The following KIAA1549 variants were observed in gnomAD, a reference collection of about 807,000 sequenced individuals.
The protein encoded by KIAA1549 is KIAA1549, also known as UPF0606 protein KIAA1549.
KIAA1549 carries 70 observed loss-of-function variants against 156.4 expected under a neutral mutation model. That is an observed-to-expected ratio of 0.45 (90% CI 0.37 to 0.55). KIAA1549 has a LOEUF of 0.55. Ranked by LOEUF, KIAA1549 falls within the 20% of genes least tolerant of loss-of-function variation. The pLI is 0.00. For synonymous variants in KIAA1549, 1,103 were observed against 1,066.4 expected, an observed-to-expected ratio of 1.03 and a Z score of -0.67; for missense variants, 2,428 against 2,540.9, an observed-to-expected ratio of 0.96 and a Z score of 0.96.
intron 12 of KIAA1549, among the ~76,000 whole-genome samples, chr7:138,875,244 T>G (rs1811048081): frequency 6.6e-6 from 1 of 152,234 alleles, no homozygotes; most frequent in Non-Finnish European, 1.5e-5. Context: ...TATTTGCAAG[T>G]ATTATGTATC....
intron 17 of KIAA1549, among the ~76,000 whole-genome samples, chr7:138,851,573 G>A (rs925295194): frequency 6.6e-6 from 1 of 151,678 alleles, no homozygotes; most frequent in Non-Finnish European, 1.5e-5. Flanking sequence ...TGGGTGTGGG[G>A]GTGTGTGTGG....
rs986818086 is a variant in KIAA1549, at chr7:138,981,145, GGGC to G, written c.122_124del (p.Arg41del). ...CCAGAGGCCAGGAAGCAGCAGCCCC[GGGC>G]GGCGGCGGCGGGCGCAGCGGGCGGA... is the stretch of plus-strand genomic sequence containing the variant. On this transcript the variant is annotated inframe_deletion, in exon 1 of 20. Transcript: ENST00000422774. This position sits in a 1 kb window ranked among gnomAD's most constrained non-coding sequence, Gnocchi z 4.5. 226 of 1,200,432 alleles carry G rather than the reference GGGC, an allele frequency of 1.9e-4. No individual in the cohort carries two copies. Among genetic ancestry groups the G allele is most frequent in the East Asian group, 4.4e-4 (13 of 29,870 alleles). The allele number at this position is 1,200,432 out of a possible 1,614,324, so 74.4% of individuals were successfully genotyped here. A position where few individuals can be genotyped will look rare whatever the true frequency, so the allele number is the denominator to read the frequency against.
chr7:138,912,721 T>C (rs1812204724), intron 2 of KIAA1549, among the ~76,000 whole-genome samples: 1 of 151,930 alleles, frequency 6.6e-6, no homozygotes, highest in Non-Finnish European at 1.5e-5. Context: ...AAAACCCTCT[T>C]TGCCCCAGAT....
intron 1 of KIAA1549, among the ~76,000 whole-genome samples, chr7:138,943,776 A>G (rs904290191): frequency 1.3e-3 from 204 of 152,048 alleles, no homozygotes; most frequent in African/African-American, 4.5e-3. Context: ...GTGAACCCGG[A>G]AGGCAGAGCT....
rs1814551226 is a variant in KIAA1549, at chr7:138,981,370, C to T, written c.-101G>A. ...GCTGGGACGGGGCGCCGCGCACCGG[C>T]GCGGAGGGAGGCCGGAGAGGCGGGG... On this transcript the variant is annotated 5_prime_UTR_variant, in exon 1 of 20. Coordinates refer to ENST00000422774, the MANE Select transcript of KIAA1549 (RefSeq NM_001164665.2). This position sits in a 1 kb window ranked among gnomAD's most constrained non-coding sequence, Gnocchi z 4.5. The T allele has an allele frequency of 2.6e-6, 1 of 390,256 alleles. No homozygotes were observed. The highest frequency in any genetic ancestry group is 1.1e-4 in the South Asian group (1 of 9,498). The allele number at this position is 390,256 out of a possible 1,614,324, so 24.2% of individuals were successfully genotyped here.
chr7:138,976,190 C>A (rs1814372010), intron 1 of KIAA1549, among the ~76,000 whole-genome samples: 1 of 152,136 alleles, frequency 6.6e-6, no homozygotes, highest in African/African-American at 2.4e-5. Flanking sequence ...AATTCTCCTG[C>A]CTCACCCTCC....
intron 1 of KIAA1549, 50 bp from the exon 2 acceptor site, chr7:138,919,488 A>G (rs1280029796): frequency 1.2e-5 from 19 of 1,562,298 alleles, no homozygotes; most frequent in Non-Finnish European, 1.6e-5. Flanking sequence ...GAAGTCACAC[A>G]GCTAACGTTT....
At chr7:138,861,034 T>G in intron 16 of KIAA1549, 105 bp downstream of exon 16, 1 of 1,126,512 alleles carries the variant, frequency 8.9e-7, no homozygotes. Flanking sequence ...TTTTAATTCT[T>G]ATCAAATGCA....
intron 1 of KIAA1549, among the ~76,000 whole-genome samples, chr7:138,936,730 C>G (rs1813020699): frequency 6.9e-6 from 1 of 145,460 alleles, no homozygotes; most frequent in Non-Finnish European, 1.5e-5. Context: ...GTGTGACCCC[C>G]CCCACCCCCA....
rs377591352 is a variant in KIAA1549, at chr7:138,840,162, C to T, written c.5569G>A (p.Gly1857Arg). ...QYGGPGWPSYGEDEAGRREAT... is the reference protein window; with the variant it reads ...QYGGPGWPSYREDEAGRREAT... Reference sequence around the variant, plus strand: ...TCTCTTCGCCCCGCTTCGTCCTCCCCGTACGAAGGCCAGCCTGGCCCCCCA... The same window carrying T: ...TCTCTTCGCCCCGCTTCGTCCTCCCTGTACGAAGGCCAGCCTGGCCCCCCA... The change falls in exon 19 of 20, where the codon GGG becomes AGG. Residue 1857 changes from glycine to arginine, a missense_variant. Transcript: ENST00000422774. 2.0e-5 allele frequency: 31 copies of T among 1,554,760 alleles called. No homozygotes were observed. The highest frequency in any genetic ancestry group is 1.8e-4 in the African/African-American group (13 of 73,198).
At chr7:138,867,947 TC>T in intron 15 of KIAA1549, 27 bp downstream of exon 15, 1 of 1,608,404 alleles carries the variant, frequency 6.2e-7, no homozygotes. Flanking sequence ...CCACCCGAGT[TC>T]CAGAAACTGG....
intron 1 of KIAA1549, among the ~76,000 whole-genome samples, chr7:138,931,623 G>A (rs896024070): frequency 6.6e-6 from 1 of 151,826 alleles, no homozygotes; most frequent in Non-Finnish European, 1.5e-5. Context: ...GTGGTGGCAG[G>A]TGCCTGTAAT....
intron 1 of KIAA1549, among the ~76,000 whole-genome samples, chr7:138,969,588 T>TC (rs1814154234): frequency 6.6e-6 from 1 of 151,754 alleles, no homozygotes; most frequent in Non-Finnish European, 1.5e-5. Flanking sequence ...TGAGTTTTGT[T>TC]TTTTGTTTGT....
intron 15 of KIAA1549, 110 bp downstream of exon 15, chr7:138,867,865 T>A: frequency 8.2e-7 from 1 of 1,216,478 alleles, no homozygotes; most frequent in South Asian, 1.4e-5. Flanking sequence ...CATCAGGCAC[T>A]GATACCACAC....
intron 1 of KIAA1549, among the ~76,000 whole-genome samples, chr7:138,961,873 AAAAAG>A (rs1813863886): frequency 2.0e-5 from 3 of 151,684 alleles, no homozygotes; most frequent in African/African-American, 7.3e-5. Flanking sequence ...AAAGAAAAGG[AAAAAG>A]AAAAGAAAGG....
In KIAA1549 at chr7:138,867,971, G is replaced by A. The variant is rs1810799192; in HGVS notation, c.4929+4C>T. On this transcript the variant is annotated splice_donor_region_variant and intron_variant, in intron 15 of 19. Coordinates refer to ENST00000422774, the MANE Select transcript of KIAA1549 (RefSeq NM_001164665.2). ...TTCCAGAAACTGGAGTCGGTGGCAC[G>A]CACTGGGCATCCGATGTAGGCTGAG... 5.6e-6 allele frequency: 9 copies of A among 1,613,034 alleles called. No individual in the cohort carries two copies. Among genetic ancestry groups the A allele is most frequent in the Non-Finnish European group, 5.9e-6 (7 of 1,179,292 alleles).
In KIAA1549 at chr7:138,917,658, G is replaced by C; in HGVS notation, c.1968C>G (p.Ser656=). 1 of 1,612,946 alleles carries C rather than the reference G, an allele frequency of 6.2e-7. No individual in the cohort carries two copies. Among genetic ancestry groups the C allele is most frequent in the Non-Finnish European group, 8.5e-7 (1 of 1,179,416 alleles). ...ASLSLMPSDL[S]PFTSQSFSPL... is the part of the protein sequence containing the mutation. ...GAGAAAAAGACTGAGATGTGAAGGG[G>C]GACAAGTCACTCGGCATCAGAGACA... is the stretch of plus-strand genomic sequence containing the variant. The change falls in exon 2 of 20, where the codon TCC becomes TCG. Residue 656 remains serine (S), a synonymous_variant. Transcript: ENST00000422774.
intron 1 of KIAA1549, among the ~76,000 whole-genome samples, chr7:138,961,155 T>G (rs1452294761): frequency 6.6e-6 from 1 of 152,192 alleles, no homozygotes; most frequent in Non-Finnish European, 1.5e-5. Flanking sequence ...AGGCACACAC[T>G]GGGAGGTTAA....
intron 6 of KIAA1549, among the ~76,000 whole-genome samples, chr7:138,906,520 G>A (rs1812009636): frequency 6.6e-6 from 1 of 152,176 alleles, no homozygotes; most frequent in South Asian, 2.1e-4. Context: ...AAAAACTCAA[G>A]TCTTTTACTA....
Sources: gnomAD v4.1 joint callset for allele counts (sites outside exome capture counted in the v4.1 genomes callset) on GRCh38, gnomAD v4.1.1 for gene constraint, Gnocchi (gnomAD v3.1) non-coding constraint, MANE v1.5 for transcripts, NCBI Gene and HGNC (gene_info 2026-07-23, HGNC 2026-07-21) for gene names.